PRKD1: variants seen among roughly 807,000 people sequenced by gnomAD.
PRKD1 encodes the protein serine/threonine-protein kinase D1.
PRKD1 carries 63 observed loss-of-function variants against 95.9 expected under a neutral mutation model. That is an observed-to-expected ratio of 0.66 (90% confidence interval 0.54 to 0.81). PRKD1 has a LOEUF of 0.81. Ranked by LOEUF, PRKD1 falls within the 30% of genes least tolerant of loss-of-function variation. The pLI, the probability that PRKD1 is intolerant of heterozygous loss-of-function variation, is 0.00. For synonymous variants in PRKD1, 425 were observed against 423.1 expected, an observed-to-expected ratio of 1.00 and a Z score of -0.05; for missense variants, 1,048 against 1,165.3, an observed-to-expected ratio of 0.90 and a Z score of 1.47.
At chr14:29,775,488 C>G (rs1431802492) in intron 1 of PRKD1, among the ~76,000 whole-genome samples, 1 of 152,172 alleles carries the variant, frequency 6.6e-6, no homozygotes, top group Admixed American at 6.5e-5. Context: ...AAAGGCACAC[C>G]AGGAGATTAT....
chr14:29,818,713 C>T (rs1890793059), intron 1 of PRKD1, among the ~76,000 whole-genome samples: 1 of 151,468 alleles, frequency 6.6e-6, no homozygotes, highest in Admixed American at 6.6e-5. Context: ...TTTTATTTCT[C>T]CTTGCAGTAT....
intron 1 of PRKD1, among the ~76,000 whole-genome samples, chr14:29,820,826 A>T (rs1890882427): frequency 6.6e-6 from 1 of 152,242 alleles, no homozygotes; most frequent in South Asian, 2.1e-4. Flanking sequence ...TAATTGCCAT[A>T]GTCTTCAAAT....
chr14:29,657,463 G>A (rs1052743900), intron 4 of PRKD1: 1 of 152,096 alleles, frequency 6.6e-6, no homozygotes, highest in African/African-American at 2.4e-5. Flanking sequence ...TGTTTGTTTT[G>A]AATCCTCAGT....
intron 2 of PRKD1, among the ~76,000 whole-genome samples, chr14:29,678,316 C>T (rs932920217): frequency 2.0e-5 from 3 of 152,170 alleles, no homozygotes; most frequent in African/African-American, 4.8e-5. Flanking sequence ...GTAAAAGGCT[C>T]ATTATCAAGC....
chr14:29,771,891 A>G (rs1959438), intron 1 of PRKD1, among the ~76,000 whole-genome samples: 26,365 of 152,234 alleles, frequency 0.17, 2,449 homozygotes, highest in South Asian at 0.23. Flanking sequence ...GACTTATTGC[A>G]ACTTGTACTC....
chr14:29,809,369 G>A (rs1890383270), intron 1 of PRKD1, among the ~76,000 whole-genome samples: 2 of 152,176 alleles, frequency 1.3e-5, no homozygotes, highest in South Asian at 2.1e-4. Context: ...CTGCTTGGAG[G>A]CTTTGAAGCC....
intron 15 of PRKD1, among the ~76,000 whole-genome samples, chr14:29,598,005 G>A (rs1218788122): frequency 6.6e-6 from 1 of 152,188 alleles, no homozygotes; most frequent in East Asian, 1.9e-4. Context: ...GCAGGGTGCA[G>A]TGGCTCATGC....
At position 29,725,618 on chromosome 14, in the gene PRKD1, G is replaced by T. The variant is rs751965170; in HGVS notation, c.321C>A (p.Asp107Glu). ...MYDKILLFRH[D>E]PTSENILQLV... ...GCTGAAGGATGTTTTCAGAGGTAGG[G>T]TCATGGCGAAAAAGCAGGATCTTAT... Residue 107 changes from aspartate (D) to glutamate (E), a missense_variant, in exon 2 of 18, where the codon GAC (aspartate) becomes GAA (glutamate). Transcript: ENST00000331968. 1.2e-5 allele frequency: 20 copies of T among 1,613,510 alleles called. No individual in the cohort carries two copies. The highest frequency in any genetic ancestry group is 1.4e-5 in the Non-Finnish European group (17 of 1,179,710).
chr14:29,654,503 GC>G (rs1227670245), intron 4 of PRKD1, among the ~76,000 whole-genome samples: 4 of 151,946 alleles, frequency 2.6e-5, no homozygotes, highest in Non-Finnish European at 4.4e-5. Flanking sequence ...ATTTACTAGT[GC>G]TTTTACAAAT....
intron 1 of PRKD1, among the ~76,000 whole-genome samples, chr14:29,730,209 T>C (rs1055778468): frequency 2.0e-5 from 3 of 151,920 alleles, no homozygotes; most frequent in African/African-American, 4.8e-5. Flanking sequence ...AATAGGTATA[T>C]GAAAAATAGA....
At chr14:29,760,349 C>CT (rs36093531) in intron 1 of PRKD1, among the ~76,000 whole-genome samples, 18,918 of 114,106 alleles carry the variant, frequency 0.17, 1,832 homozygotes, top group South Asian at 0.21. Flanking sequence ...ATTTTCTCAA[C>CT]TTTTTTTTTT....
intron 1 of PRKD1, among the ~76,000 whole-genome samples, chr14:29,728,118 A>G (rs1345751720): frequency 6.6e-6 from 1 of 152,136 alleles, no homozygotes; most frequent in Non-Finnish European, 1.5e-5. Flanking sequence ...TATGTAACTA[A>G]CCTTCATATT....
chr14:29,802,731 C>T (rs1164188899), intron 1 of PRKD1, among the ~76,000 whole-genome samples: 1 of 152,188 alleles, frequency 6.6e-6, no homozygotes, highest in African/African-American at 2.4e-5. Context: ...TTCCCATAAC[C>T]TGGATGGAAT....
At chr14:29,688,948 C>CAA (rs377212196) in intron 2 of PRKD1, among the ~76,000 whole-genome samples, 410 of 32,194 alleles carry the variant, frequency 0.013, 7 homozygotes, top group Non-Finnish European at 0.016. Context: ...GACTCCGTCT[C>CAA]AAAAAAAAAA....
At chr14:29,620,483 AAAAC>A (rs1263306198) in intron 13 of PRKD1, among the ~76,000 whole-genome samples, 1 of 147,022 alleles carries the variant, frequency 6.8e-6, no homozygotes, top group African/African-American at 2.5e-5. Context: ...TTACAAGAAA[AAAAC>A]AAACAACCCC....
intron 4 of PRKD1, chr14:29,656,599 TA>T: frequency 7.6e-7 from 1 of 1,321,672 alleles, no homozygotes; most frequent in Non-Finnish European, 1.0e-6. Context: ...CAAAGCACAT[TA>T]CTCAATAATG....
intron 13 of PRKD1, 62 bp from the exon 14 acceptor site, chr14:29,599,879 G>A (rs186478091): frequency 6.1e-6 from 9 of 1,467,472 alleles, no homozygotes; most frequent in East Asian, 2.3e-5. Context: ...TGGCAAGCTC[G>A]CTGATTATAC....
In PRKD1 at chr14:29,885,804, T is replaced by TAAA. The variant is rs759317394; in HGVS notation, c.264+41442_264+41444dup. On this transcript the variant is annotated intron_variant, in intron 1 of 17. Coordinates refer to ENST00000331968, the MANE Select transcript of PRKD1 (RefSeq NM_002742.3). ...CAACATGGTGAAACCCCATCTTTAC[T>TAAA]AAAAAAAAAAAAAAAAAAAAAAAAA... 2.1e-4 allele frequency among the ~76,000 whole-genome samples: 11 copies of TAAA among 53,484 alleles called. 1 individual carries two copies. Among genetic ancestry groups the TAAA allele is most frequent in the South Asian group, 8.8e-4 (1 of 1,136 alleles). 35.1% of individuals were successfully genotyped at this position (53,484 alleles called of 152,430 possible). A position where few individuals can be genotyped will look rare whatever the true frequency, so the allele number is the denominator to read the frequency against.
intron 1 of PRKD1, among the ~76,000 whole-genome samples, chr14:29,844,544 T>TA (rs1284222681): frequency 6.6e-6 from 1 of 152,060 alleles, no homozygotes; most frequent in Non-Finnish European, 1.5e-5. Flanking sequence ...CAAAAATATA[T>TA]AAATTCAGTA....
Sources: gnomAD v4.1 joint callset for allele counts (sites outside exome capture counted in the v4.1 genomes callset) on GRCh38, gnomAD v4.1.1 for gene constraint, MANE v1.5 for transcripts, NCBI Gene and HGNC (gene_info 2026-07-23, HGNC 2026-07-21) for gene names.